Variants in GIPR observed in about 807,000 individuals in gnomAD.
GIPR encodes gastric inhibitory polypeptide receptor, also known as GIP-R.
In GIPR, 74 loss-of-function variants were observed where a neutral mutation model predicts 62.2. That is an observed-to-expected ratio of 1.19 (90% CI 0.99 to 1.44). The LOEUF is 1.44. Ranked by LOEUF, GIPR falls within the 40% of genes most tolerant of loss-of-function variation. The pLI is 0.00. For missense variants in GIPR, 664 were observed against 611.8 expected (o/e 1.09, Z -0.90); for synonymous variants, 256 against 262.2 (o/e 0.98, Z 0.23).
At chr19:45,669,138 T>TG (rs5828243) in intron 1 of GIPR, among the ~76,000 whole-genome samples, 151,710 of 152,292 alleles carry the variant, frequency 1, 75,568 homozygotes, top group Middle Eastern at 1. Flanking sequence ...GGTCCAGACT[T>TG]CGGTGACACT....
At chr19:45,670,799 G>T in intron 3 of GIPR, 65 bp downstream of exon 3, 1 of 923,106 alleles carries the variant, frequency 1.1e-6, no homozygotes, top group Non-Finnish European at 1.7e-6. Flanking sequence ...CTTGGGATGG[G>T]CCTTGGGCTG....
chr19:45,680,567 C>A (rs776661952), intron 12 of GIPR, among the ~76,000 whole-genome samples: 32 of 151,510 alleles, frequency 2.1e-4, no homozygotes, highest in African/African-American at 7.8e-4. Context: ...CGTTGGCTCA[C>A]GTCTGTAATC....
At chr19:45,674,503 G>T in intron 6 of GIPR, 179 bp from the exon 7 acceptor site, 1 of 661,916 alleles carries the variant, frequency 1.5e-6, no homozygotes, top group Non-Finnish European at 2.7e-6. Flanking sequence ...CTATAGGGGG[G>T]CGCTGAGACA....
chr19:45,673,985 G>C (rs566998958), intron 5 of GIPR, 89 bp from the exon 6 acceptor site: 1 of 821,680 alleles, frequency 1.2e-6, no homozygotes, highest in South Asian at 1.3e-5. Context: ...TATTTGGGCA[G>C]AAACAAAGAG....
At chr19:45,679,695 C>A (rs1000635403) in intron 12 of GIPR, among the ~76,000 whole-genome samples, 7 of 151,954 alleles carry the variant, frequency 4.6e-5, no homozygotes. Flanking sequence ...CAGCCTTGGA[C>A]TCCTGGTCCA....
chr19:45,675,269 A>T (rs757197218), intron 7 of GIPR: 8 of 202,788 alleles, frequency 3.9e-5, no homozygotes, highest in African/African-American at 9.5e-5. Context: ...AAGTTGGACC[A>T]TACCAATTGT....
chr19:45,679,246 G>A (rs1165683644), intron 12 of GIPR, among the ~76,000 whole-genome samples: 15 of 152,066 alleles, frequency 9.9e-5, no homozygotes, highest in African/African-American at 3.6e-4. Context: ...TTGGGAGGCC[G>A]AGGCAGGCGG....
intron 5 of GIPR, among the ~76,000 whole-genome samples, chr19:45,673,419 C>CAAA (rs71175203): frequency 5.6e-4 from 46 of 82,664 alleles, no homozygotes; most frequent in South Asian, 1.2e-3. Context: ...GACTCCATCT[C>CAAA]AAAAAAAAAA....
At chr19:45,670,002 G>T (rs760419041) in intron 2 of GIPR, among the ~76,000 whole-genome samples, 1 of 151,682 alleles carries the variant, frequency 6.6e-6, no homozygotes, top group Non-Finnish European at 1.5e-5. Flanking sequence ...AGACTGTCCC[G>T]CTTGCCCAGA....
In GIPR at chr19:45,677,793, C is replaced by T. The variant is rs748552712; in HGVS notation, c.924+14C>T. 7 of 1,610,142 alleles carry T rather than the reference C, an allele frequency of 4.3e-6. No homozygotes were observed. Among genetic ancestry groups the T allele is most frequent in the East Asian group, 4.5e-5 (2 of 44,876 alleles). ...ATGACCATCTTGGTAGGATCGGTCC[C>T]GCCTCCACCAGGCCGCCCTCAGGGA... is the stretch of plus-strand genomic sequence containing the variant. On this transcript the variant is annotated intron_variant, in intron 10 of 13. Coordinates refer to ENST00000590918, the MANE Select transcript of GIPR (RefSeq NM_000164.4).
intron 5 of GIPR, among the ~76,000 whole-genome samples, chr19:45,673,841 G>A (rs908118779): frequency 1.3e-5 from 2 of 151,430 alleles, no homozygotes; most frequent in Non-Finnish European, 2.9e-5. Flanking sequence ...TCCAGCCTGG[G>A]CAACAAAGCA....
chr19:45,676,923 C>G (rs767398381), intron 7 of GIPR, 26 bp from the exon 8 acceptor site: 1 of 1,611,336 alleles, frequency 6.2e-7, no homozygotes. Context: ...GCTGACTACC[C>G]CTCTACCGGT....
At chr19:45,676,908 G>C (rs760234486) in intron 7 of GIPR, 41 bp from the exon 8 acceptor site, 1 of 1,598,036 alleles carries the variant, frequency 6.3e-7, no homozygotes, top group South Asian at 1.1e-5. Context: ...AGACACCCGG[G>C]CAGCGCTGAC....
At chr19:45,674,310 T>A in intron 6 of GIPR, 133 bp downstream of exon 6, 2 of 745,402 alleles carry the variant, frequency 2.7e-6, no homozygotes, top group Non-Finnish European at 4.9e-6. Flanking sequence ...TGGGGGTGGT[T>A]AAAGGAGCTC....
intron 4 of GIPR, among the ~76,000 whole-genome samples, chr19:45,671,865 G>A (rs1007103497): frequency 4.6e-5 from 7 of 151,238 alleles, no homozygotes; most frequent in African/African-American, 1.7e-4. Flanking sequence ...CAAGTGATCC[G>A]CCGGCCTTGG....
In GIPR at chr19:45,678,006, C is replaced by A. The variant is rs1391140838; in HGVS notation, c.1013+12C>A. 1 of 1,612,910 alleles carries A rather than the reference C, an allele frequency of 6.2e-7. No homozygotes were observed. The highest frequency in any genetic ancestry group is 1.1e-5 in the South Asian group (1 of 91,074). On this transcript the variant is annotated intron_variant, in intron 11 of 13. Transcript: ENST00000590918. ...GATTACCGGCTGAGGTGAGGGCATG[C>A]GTTGGGGACCGAGGGGAAGGGGCCG...
In GIPR at chr19:45,674,761, C is replaced by T. The variant is rs146268621; in HGVS notation, c.568C>T (p.Arg190Ter). Residue 190 changes from arginine to a stop codon, truncating the protein, a stop_gained, in exon 7 of 14, where the codon CGA becomes TGA. Transcript: ENST00000590918. LOFTEE classifies it high-confidence loss of function. ...GCTGCGAGCTGCGGCCATTCTCAGCCGAGACCGTCTGCTACCTCGACCTGG... is the reference window on the plus strand; with the variant it reads ...GCTGCGAGCTGCGGCCATTCTCAGCTGAGACCGTCTGCTACCTCGACCTGG... ...FMLRAAAILSRDRLLPRPGPY... is the reference protein window; with the variant it reads ...FMLRAAAILS The T allele has an allele frequency of 4.4e-5, 71 of 1,613,784 alleles. No individual in the cohort carries two copies. Among genetic ancestry groups the T allele is most frequent in the East Asian group, 2.2e-5 (1 of 44,876 alleles).
At chr19:45,671,505 T>G (rs1975538833) in intron 4 of GIPR, 113 bp downstream of exon 4, 1 of 737,684 alleles carries the variant, frequency 1.4e-6, no homozygotes, top group Non-Finnish European at 2.4e-6. Flanking sequence ...CTCCTGCTCC[T>G]CTTTGCCCCC....
rs767841022 is a variant in GIPR, at chr19:45,677,127, C to T, written c.793+19C>T. 1.9e-6 allele frequency: 3 copies of T among 1,611,344 alleles called. No individual in the cohort carries two copies. The East Asian group carries it at 6.7e-5, about 36-fold the overall frequency. On this transcript the variant is annotated intron_variant, in intron 8 of 13. Transcript: ENST00000590918. Reference sequence around the variant, plus strand: ...GGCTGGGGTGAGCTCCGATCCCGTCCCCCGCCCAACCCAGCGCGCCTCTCC... The same window carrying T: ...GGCTGGGGTGAGCTCCGATCCCGTCTCCCGCCCAACCCAGCGCGCCTCTCC...
Sources: gnomAD v4.1 joint callset for allele counts (sites outside exome capture counted in the v4.1 genomes callset) on GRCh38, gnomAD v4.1.1 for gene constraint, MANE v1.5 for transcripts, NCBI Gene and HGNC (gene_info 2026-07-23, HGNC 2026-07-21) for gene names.